Variants in CPS1 observed in about 807,000 individuals in gnomAD.
CPS1 encodes the protein carbamoyl-phosphate synthase [ammonia], mitochondrial.
In CPS1, 109 loss-of-function variants were observed where a neutral mutation model predicts 174.6. That is an observed-to-expected ratio of 0.62 (90% CI 0.53 to 0.73). The LOEUF is 0.73. Ranked by LOEUF, CPS1 falls within the 30% of genes least tolerant of loss-of-function variation. The pLI, the probability that CPS1 is intolerant of heterozygous loss-of-function variation, is 0.00. For synonymous variants in CPS1, 637 were observed against 632.0 expected, an observed-to-expected ratio of 1.01 and a Z score of -0.12; for missense variants, 1,689 against 1,821.9, an observed-to-expected ratio of 0.93 and a Z score of 1.33.
At chr2:210,494,138 T>G (rs938211277) in intron 1 of CPS1, among the ~76,000 whole-genome samples, 1 of 152,204 alleles carries the variant, frequency 6.6e-6, no homozygotes, top group African/African-American at 2.4e-5. Context: ...CATGCAGGCA[T>G]TAGAACATTT....
intron 1 of CPS1, among the ~76,000 whole-genome samples, chr2:210,550,840 A>T (rs553605014): frequency 6.7e-4 from 102 of 151,862 alleles, no homozygotes; most frequent in African/African-American, 2.3e-3. Context: ...TACTTTCAGG[A>T]AGATTGAAAG....
At chr2:210,667,754 G>T (rs940191672) in intron 33 of CPS1, among the ~76,000 whole-genome samples, 6 of 152,136 alleles carry the variant, frequency 3.9e-5, no homozygotes, top group African/African-American at 1.4e-4. Context: ...GTAAATTCAT[G>T]CACGGCTGCA....
At chr2:210,611,760 C>T (rs1330418822) in intron 19 of CPS1, among the ~76,000 whole-genome samples, 4 of 151,880 alleles carry the variant, frequency 2.6e-5, no homozygotes, top group Non-Finnish European at 4.4e-5. Context: ...AAAGAACATG[C>T]GCATAAAGCA....
chr2:210,591,831 A>C lies in CPS1; in HGVS notation c.948A>C (p.Arg316Ser). 1 of 1,612,190 alleles carries C rather than the reference A, an allele frequency of 6.2e-7. No homozygotes were observed. The highest frequency in any genetic ancestry group is 8.5e-7 in the Non-Finnish European group (1 of 1,178,818). ...ATTCTTTTTCTCCTTTTCTCTCCAG[A>C]GGGCAGAATCAGCCTGTTTTGAATA... ...AKTYKMSMAN[R>S]GQNQPVLNIT... The change falls in exon 10 of 38, where the codon AGA becomes AGC. Residue 316 changes from arginine to serine, a missense_variant and splice_region_variant. Transcript: ENST00000233072.
chr2:210,544,153 T>C (rs1696503918), intron 1 of CPS1, among the ~76,000 whole-genome samples: 1 of 152,034 alleles, frequency 6.6e-6, no homozygotes, highest in Admixed American at 6.6e-5. Flanking sequence ...AGGGATAGAG[T>C]GTGCTTCTAC....
At chr2:210,674,449 A>G (rs149173919) in intron 34 of CPS1, 1,931 of 160,858 alleles carry the variant, frequency 0.012, 37 homozygotes, top group African/African-American at 0.046. Context: ...AGCCTGGGCA[A>G]CAAGAGCAAA....
intron 1 of CPS1, among the ~76,000 whole-genome samples, chr2:210,523,647 C>T (rs765569708): frequency 2.0e-5 from 3 of 151,998 alleles, no homozygotes; most frequent in Non-Finnish European, 2.9e-5. Context: ...TCTTCATTCC[C>T]ATCCATGTTG....
chr2:210,530,560 A>G (rs1696090566), intron 1 of CPS1, among the ~76,000 whole-genome samples: 1 of 152,046 alleles, frequency 6.6e-6, no homozygotes, highest in Non-Finnish European at 1.5e-5. Flanking sequence ...CTCATCCATA[A>G]AACAATGTTG....
intron 33 of CPS1, among the ~76,000 whole-genome samples, chr2:210,665,341 A>G (rs1428239380): frequency 6.6e-6 from 1 of 150,416 alleles, no homozygotes; most frequent in African/African-American, 2.4e-5. Context: ...TATTATTATT[A>G]TACTTTAAGT....
chr2:210,502,225 A>T (rs1016113795), intron 1 of CPS1, among the ~76,000 whole-genome samples: 1 of 152,008 alleles, frequency 6.6e-6, no homozygotes, highest in Non-Finnish European at 1.5e-5. Flanking sequence ...GGGGACACAA[A>T]GCCAAACCAT....
intron 1 of CPS1, among the ~76,000 whole-genome samples, chr2:210,515,362 A>G (rs1215670588): frequency 1.3e-5 from 2 of 150,038 alleles, no homozygotes; most frequent in Non-Finnish European, 3.0e-5. Context: ...TTTTTTTATT[A>G]CTGATTCAAT....
chr2:210,554,188 C>T (rs549409717), upstream of CPS1, among the ~76,000 whole-genome samples: 1,909 of 126,744 alleles, frequency 0.015, 153 homozygotes, highest in African/African-American at 0.057. Context: ...TATATACACA[C>T]ACACATATAT....
At chr2:210,490,939 A>C (rs1482826896) in intron 1 of CPS1, among the ~76,000 whole-genome samples, 1 of 152,172 alleles carries the variant, frequency 6.6e-6, no homozygotes, top group African/African-American at 2.4e-5. Context: ...AAGACCCTTG[A>C]AACTCTGTGG....
chr2:210,633,836 G>A (rs1385414667), intron 21 of CPS1, among the ~76,000 whole-genome samples: 3 of 152,166 alleles, frequency 2.0e-5, no homozygotes, highest in South Asian at 2.1e-4. Flanking sequence ...CTTAGCATTT[G>A]AAGAACCCGC....
At chr2:210,489,304 G>A (rs748009765) in intron 1 of CPS1, among the ~76,000 whole-genome samples, 11 of 152,112 alleles carry the variant, frequency 7.2e-5, no homozygotes, top group Non-Finnish European at 1.5e-4. Flanking sequence ...TGGTGGGTGC[G>A]GTATTTAACT....
intron 10 of CPS1, 63 bp downstream of exon 10, chr2:210,592,032 T>C (rs1698321264): frequency 6.6e-7 from 1 of 1,524,486 alleles, no homozygotes; most frequent in African/African-American, 1.4e-5. Flanking sequence ...TAAAAATAAT[T>C]GATACATAAG....
chr2:210,612,137 C>T lies in CPS1; in HGVS notation c.2412C>T (p.Thr804=), dbSNP rs2105859014. 1 of 1,611,876 alleles carries T rather than the reference C, an allele frequency of 6.2e-7. No homozygotes were observed. Residue 804 remains threonine (T), a synonymous_variant, in exon 20 of 38, where the codon ACC becomes ACT. Coordinates refer to ENST00000233072, the MANE Select transcript of CPS1 (RefSeq NM_001875.5). ...SVGEVMAIGR[T]FEESFQKALR... ...TACAGGTCATGGCTATTGGTCGTACCTTTGAGGAGAGTTTCCAGAAAGCTT... is the reference window on the plus strand; with the variant it reads ...TACAGGTCATGGCTATTGGTCGTACTTTTGAGGAGAGTTTCCAGAAAGCTT...
intron 33 of CPS1, among the ~76,000 whole-genome samples, chr2:210,664,621 G>A (rs376661529): frequency 2.0e-5 from 3 of 152,084 alleles, no homozygotes; most frequent in African/African-American, 7.2e-5. Context: ...GGCCCATGCT[G>A]TTTTCTTTAG....
chr2:210,653,830 T>C (rs1237112903), intron 28 of CPS1, among the ~76,000 whole-genome samples, 195 bp from the exon 29 acceptor site: 1 of 152,206 alleles, frequency 6.6e-6, no homozygotes, highest in Non-Finnish European at 1.5e-5. Context: ...AGAAAGACCC[T>C]CTGCCTCACT....
Sources: allele counts gnomAD v4.1 joint callset (sites outside exome capture counted in the v4.1 genomes callset), GRCh38; gene constraint gnomAD v4.1.1; transcripts MANE v1.5; gene names NCBI Gene and HGNC (gene_info 2026-07-23, HGNC 2026-07-21).